MAPKBP1: variants seen among roughly 807,000 people sequenced by gnomAD.
MAPKBP1 encodes mitogen-activated protein kinase binding protein 1, also known as mitogen-activated protein kinase-binding protein 1.
In MAPKBP1, 71 loss-of-function variants were observed where a neutral mutation model predicts 170.5. That is an observed-to-expected ratio of 0.42 (90% CI 0.34 to 0.51). MAPKBP1 has a LOEUF of 0.51. Among genes scored for constraint, MAPKBP1 ranks in the 20% least tolerant of loss-of-function variants. MAPKBP1 has a pLI of 0.06. For missense variants in MAPKBP1, 1,598 were observed against 1,933.0 expected (o/e 0.83, Z 3.25); for synonymous variants, 719 against 757.9 (o/e 0.95, Z 0.84).
chr15:41,825,702 T>A lies in MAPKBP1; in HGVS notation c.*266T>A. 4 of 401,320 alleles carry A rather than the reference T, an allele frequency of 1.0e-5. No individual in the cohort carries two copies. The highest frequency in any genetic ancestry group is 8.9e-5 in the South Asian group (2 of 22,426). The allele number at this position is 401,320 out of a possible 1,614,324, so 24.9% of individuals were successfully genotyped here. A position where few individuals can be genotyped will look rare whatever the true frequency, so the allele number is the denominator to read the frequency against. ...TCTTGGGTCTTTGTCATCTTGGTGC[T>A]GTGAGAGGTAGGAGGGCAGCCTGCC... On this transcript the variant is annotated 3_prime_UTR_variant, in exon 31 of 31. Transcript: ENST00000457542.
intron 2 of MAPKBP1, among the ~76,000 whole-genome samples, chr15:41,798,343 C>T (rs1459119443): frequency 2.0e-5 from 3 of 150,544 alleles, no homozygotes; most frequent in African/African-American, 4.9e-5. Context: ...AGTGCAATGG[C>T]GTGATCTCGG....
rs201543820 is a variant in MAPKBP1, at chr15:41,820,928, G to T, written c.2578G>T (p.Val860Phe). ...GGTTCAGCCAGGTGTGGAACTGAGC[G>T]TTAGATCCATGCTGGATCTGCGGCA... ...RWVQPGVELSVRSMLDLRQLE... is the reference protein window; with the variant it reads ...RWVQPGVELSFRSMLDLRQLE... Residue 860 changes from valine to phenylalanine, a missense_variant, in exon 23 of 31, where the codon GTT (valine) becomes TTT (phenylalanine). Physicochemically the swap from Val to Phe is conservative, Grantham distance 50. This residue lies in a region of MAPKBP1 where 942 missense variants were observed against 953.2 expected (regional missense o/e 0.99). Coordinates refer to ENST00000457542, the MANE Select transcript of MAPKBP1 (RefSeq NM_014994.3). 1.2e-6 allele frequency: 2 copies of T among 1,614,186 alleles called. No individual in the cohort carries two copies. Among genetic ancestry groups the T allele is most frequent in the South Asian group, 2.2e-5 (2 of 91,082 alleles).
At chr15:41,821,210 A>G (rs2064990472) in intron 23 of MAPKBP1, 142 bp downstream of exon 23, 1 of 807,686 alleles carries the variant, frequency 1.2e-6, no homozygotes, top group Admixed American at 2.1e-5. Flanking sequence ...CAAAGCCAGG[A>G]TGGGGGTGGC....
At chr15:41,812,472 T>G (rs939547691) in intron 6 of MAPKBP1, 44 bp from the exon 7 acceptor site, 2 of 1,612,550 alleles carry the variant, frequency 1.2e-6, no homozygotes, top group Non-Finnish European at 1.7e-6. Context: ...TCTTCTTAGC[T>G]CCAAGAGACA....
chr15:41,795,650 A>G (rs941829402), intron 2 of MAPKBP1, among the ~76,000 whole-genome samples: 1 of 152,176 alleles, frequency 6.6e-6, no homozygotes, highest in Non-Finnish European at 1.5e-5. Context: ...TCTGTCGCCC[A>G]GGCTGGAGTG....
chr15:41,810,151 G>A (rs2064777465), intron 3 of MAPKBP1, among the ~76,000 whole-genome samples: 2 of 152,150 alleles, frequency 1.3e-5, no homozygotes, highest in African/African-American at 4.8e-5. Flanking sequence ...TGATACACGT[G>A]TGGCCCCAAG....
At chr15:41,793,015 G>T (rs569235142) in intron 2 of MAPKBP1, among the ~76,000 whole-genome samples, 1 of 151,904 alleles carries the variant, frequency 6.6e-6, no homozygotes, top group African/African-American at 2.4e-5. Flanking sequence ...ATGAGGCTAG[G>T]TTTTCTTCGC....
At chr15:41,774,946 G>A (rs2064071614) in intron 1 of MAPKBP1, 1 of 483,680 alleles carries the variant, frequency 2.1e-6, no homozygotes, top group Admixed American at 3.7e-5. Flanking sequence ...CATCTCGCCA[G>A]TTAAACGCCT....
chr15:41,817,042 G>A lies in MAPKBP1; in HGVS notation c.1711+7G>A. 1 of 1,577,686 alleles carries A rather than the reference G, an allele frequency of 6.3e-7. No individual in the cohort carries two copies. The highest frequency in any genetic ancestry group is 8.6e-7 in the Non-Finnish European group (1 of 1,158,510). On this transcript the variant is annotated splice_region_variant and intron_variant, in intron 14 of 30. Transcript: ENST00000457542. This position sits in a 1 kb window ranked among gnomAD's most constrained non-coding sequence, Gnocchi z 4.2. ...ACTGCTGTTAAGTTTGCAGGTGCGGGCAGGGTGAATGAGACACATCCTGCC... is the reference window on the plus strand; with the variant it reads ...ACTGCTGTTAAGTTTGCAGGTGCGGACAGGGTGAATGAGACACATCCTGCC...
Position 41,816,596 on chromosome 15 carries a change from G to T in MAPKBP1, c.1531G>T (p.Val511Leu), listed in dbSNP as rs139378790. The T allele has an allele frequency of 3.8e-4, 607 of 1,614,146 alleles. 1 individual carries two copies. The African/African-American group carries it at 7.4e-3, about 20-fold the overall frequency. Residue 511 changes from valine (V) to leucine (L), a missense_variant, in exon 13 of 31, where the codon GTG (valine) becomes TTG (leucine). Around this residue, in one of 6 missense-constraint regions of MAPKBP1, gnomAD observed 430 missense variants for 617.2 expected, o/e 0.70. Transcript: ENST00000457542. ...ELQSLSEMLK[V>L]EAHDSEILCL... ...TCAGTCCCTGAGTGAGATGCTGAAGGTGGAGGCCCATGACTCTGAGATTCT... is the reference window on the plus strand; with the variant it reads ...TCAGTCCCTGAGTGAGATGCTGAAGTTGGAGGCCCATGACTCTGAGATTCT...
Position 41,823,157 on chromosome 15 carries a change from T to C in MAPKBP1, c.3533T>C (p.Val1178Ala), listed in dbSNP as rs2065029983. ...NPDSSWAPKR[V>A]ATASPFSGLQ... is the part of the protein sequence containing the mutation. The stretch of plus-strand genomic sequence containing the variant: ...GACAGCAGCTGGGCTCCCAAGAGAG[T>C]GGCCACAGCCAGCCCCTTTTCTGGA... Residue 1178 changes from valine (V) to alanine (A), a missense_variant, in exon 28 of 31, where the codon GTG becomes GCG. Val to Ala is a moderately conservative substitution (Grantham distance 64). Around this residue, in one of 6 missense-constraint regions of MAPKBP1, gnomAD observed 942 missense variants for 953.2 expected, o/e 0.99. Coordinates refer to ENST00000457542, the MANE Select transcript of MAPKBP1 (RefSeq NM_014994.3). The C allele has an allele frequency of 6.2e-7, 1 of 1,613,398 alleles. No individual in the cohort carries two copies.
intron 2 of MAPKBP1, among the ~76,000 whole-genome samples, chr15:41,786,551 T>G (rs966017090): frequency 1.3e-5 from 2 of 151,052 alleles, no homozygotes; most frequent in African/African-American, 4.9e-5. Context: ...GATCACAAGG[T>G]CAGGAGATAG....
intron 2 of MAPKBP1, among the ~76,000 whole-genome samples, chr15:41,786,609 A>C (rs574330320): frequency 6.7e-6 from 1 of 150,298 alleles, no homozygotes; most frequent in East Asian, 2.0e-4. Flanking sequence ...CTAAAAATAC[A>C]AAAAAATTAG....
intron 2 of MAPKBP1, among the ~76,000 whole-genome samples, chr15:41,780,027 C>T (rs910347437): frequency 2.6e-5 from 4 of 152,198 alleles, no homozygotes; most frequent in African/African-American, 9.7e-5. Context: ...ATGCTTCTCT[C>T]CCTGGACCCA....
chr15:41,780,550 C>A (rs1305759924), intron 2 of MAPKBP1, among the ~76,000 whole-genome samples: 1 of 152,170 alleles, frequency 6.6e-6, no homozygotes, highest in Non-Finnish European at 1.5e-5. Flanking sequence ...ACAGTGTTTT[C>A]AGAAGGATTT....
intron 3 of MAPKBP1, among the ~76,000 whole-genome samples, chr15:41,803,296 C>T (rs2064630387): frequency 6.6e-6 from 1 of 151,480 alleles, no homozygotes; most frequent in Non-Finnish European, 1.5e-5. Context: ...TGCTGGTAGT[C>T]CCAGTTACTC....
At chr15:41,781,447 C>T (rs1012618650) in intron 2 of MAPKBP1, among the ~76,000 whole-genome samples, 2 of 146,948 alleles carry the variant, frequency 1.4e-5, no homozygotes, top group South Asian at 4.2e-4. Flanking sequence ...TGCCTTATCT[C>T]TCCTCCTAAA....
chr15:41,818,523 T>C lies in MAPKBP1; in HGVS notation c.2097T>C (p.Ile699=). The C allele has an allele frequency of 6.2e-7, 1 of 1,612,982 alleles. No homozygotes were observed. Among genetic ancestry groups the C allele is most frequent in the Non-Finnish European group, 8.5e-7 (1 of 1,179,428 alleles). The part of the protein sequence containing the change: ...CVATMFGHSE[I]VTGMKFSNDC... ...CGTATTCTTTGTTCTTCACAGAGAT[T>C]GTCACTGGCATGAAATTTAGTAATG... Residue 699 remains isoleucine (I), a synonymous_variant, in exon 19 of 31, where the codon ATT becomes ATC. Coordinates refer to ENST00000457542, the MANE Select transcript of MAPKBP1 (RefSeq NM_014994.3). The surrounding 1 kb of genome is among the most constrained non-coding windows in gnomAD (Gnocchi z 5.2).
At position 41,827,380 on chromosome 15, in the gene MAPKBP1, T is replaced by A. The variant is rs1596106632; in HGVS notation, c.*1944T>A. On this transcript the variant is annotated 3_prime_UTR_variant, in exon 31 of 31. Transcript: ENST00000457542. ...GAGTGCGCTTGAGCTGCTCCAAACC[T>A]GGCCCTTCCCCACTCCTCTAGCATC... 6.6e-6 allele frequency: 1 copy of A among 151,856 alleles called. No homozygotes were observed. Among genetic ancestry groups the A allele is most frequent in the African/African-American group, 2.4e-5 (1 of 41,308 alleles). 9.4% of individuals were successfully genotyped at this position (151,856 alleles called of 1,614,324 possible).
Sources: allele counts gnomAD v4.1 joint callset (sites outside exome capture counted in the v4.1 genomes callset), GRCh38; gene constraint gnomAD v4.1.1; regional missense constraint gnomAD v4.1.1; non-coding constraint Gnocchi (gnomAD v3.1); transcripts MANE v1.5; gene names NCBI Gene and HGNC (gene_info 2026-07-23, HGNC 2026-07-21).